FAM83F: variants seen among roughly 807,000 people sequenced by gnomAD.
FAM83F encodes the protein protein FAM83F.
A neutral mutation model predicts 42.9 loss-of-function variants in FAM83F; 45 were observed. The ratio of observed to expected loss-of-function variants is 1.05; its 90% confidence interval spans 0.83 to 1.35. FAM83F has a LOEUF of 1.35. Ranked by LOEUF, FAM83F falls within the 40% of genes most tolerant of loss-of-function variation. FAM83F has a pLI of 0.00. For missense variants in FAM83F, 617 were observed against 695.9 expected (o/e 0.89, Z 1.28); for synonymous variants, 306 against 298.3 (o/e 1.03, Z -0.27).
At chr22:39,998,425 C>T (rs527912778) in intron 1 of FAM83F, among the ~76,000 whole-genome samples, 10 of 152,002 alleles carry the variant, frequency 6.6e-5, no homozygotes, top group East Asian at 5.8e-4. Flanking sequence ...CCGTGGCTGC[C>T]GTGCCTACAG....
rs2067579128 is a variant in FAM83F, at chr22:40,030,333, G to T, written c.*768G>T. On this transcript the variant is annotated 3_prime_UTR_variant, in exon 5 of 5. Coordinates refer to ENST00000333407, the MANE Select transcript of FAM83F (RefSeq NM_138435.4). ...CTGCCTGCTGCGGGCCTATGTGGGG[G>T]TCCTTACAGGGCCTTTACCTGGGAC... 6.6e-6 allele frequency: 1 copy of T among 152,490 alleles called. No individual in the cohort carries two copies. Among genetic ancestry groups the T allele is most frequent in the African/African-American group, 2.4e-5 (1 of 41,554 alleles). The allele number at this position is 152,490 out of a possible 1,614,324, so 9.4% of individuals were successfully genotyped here.
intron 4 of FAM83F, among the ~76,000 whole-genome samples, chr22:40,028,532 C>T (rs969748257): frequency 1.3e-5 from 2 of 152,138 alleles, no homozygotes; most frequent in African/African-American, 2.4e-5. Context: ...CCCGCTCCAG[C>T]GCCTGACACC....
intron 4 of FAM83F, 130 bp from the exon 5 acceptor site, chr22:40,029,386 G>C (rs2067574148): frequency 3.1e-6 from 4 of 1,305,906 alleles, no homozygotes; most frequent in Non-Finnish European, 4.2e-6. Context: ...CAGATCAGCA[G>C]CTTGGGAGGG....
At chr22:40,026,131 G>A (rs907342745) in intron 4 of FAM83F, among the ~76,000 whole-genome samples, 1 of 152,212 alleles carries the variant, frequency 6.6e-6, no homozygotes, top group Non-Finnish European at 1.5e-5. Flanking sequence ...GCTGCCCAGG[G>A]AGAAAGGGCA....
In FAM83F at chr22:40,021,509, C is replaced by T; in HGVS notation, c.999C>T (p.Cys333=). ...INPKYALVSG[C]RHPPGEMMRW... is the part of the protein sequence containing the mutation. ...CCAAGTACGCCTTGGTGTCAGGCTG[C>T]CGCCACCCGCCTGGGGAGATGATGC... Residue 333 remains cysteine (C), a synonymous_variant, in exon 4 of 5, where the codon TGC becomes TGT. Coordinates refer to ENST00000333407, the MANE Select transcript of FAM83F (RefSeq NM_138435.4). This position sits in a 1 kb window ranked among gnomAD's most constrained non-coding sequence, Gnocchi z 8.7. The T allele has an allele frequency of 6.3e-7, 1 of 1,577,764 alleles. No individual in the cohort carries two copies. The highest frequency in any genetic ancestry group is 1.7e-5 in the Admixed American group (1 of 57,694).
chr22:40,020,324 G>A (rs184707492), intron 3 of FAM83F, among the ~76,000 whole-genome samples: 3 of 152,014 alleles, frequency 2.0e-5, no homozygotes, highest in Admixed American at 2.0e-4. Flanking sequence ...GGAAAGAAAC[G>A]GGAAGGTGTG....
intron 1 of FAM83F, among the ~76,000 whole-genome samples, chr22:40,014,044 T>A (rs2067481150): frequency 6.6e-6 from 1 of 151,924 alleles, no homozygotes; most frequent in Non-Finnish European, 1.5e-5. Flanking sequence ...TGCTTTTTTC[T>A]TTATTCTACT....
intron 4 of FAM83F, among the ~76,000 whole-genome samples, 186 bp downstream of exon 4, chr22:40,022,149 C>G (rs1004062719): frequency 1.3e-5 from 2 of 152,194 alleles, no homozygotes; most frequent in Non-Finnish European, 2.9e-5. Flanking sequence ...CATTAGCTGC[C>G]TGGAGGCCTT....
At position 40,021,715 on chromosome 22, in the gene FAM83F, G is replaced by A. The variant is rs531231988; in HGVS notation, c.1205G>A (p.Arg402Lys). Residue 402 changes from arginine to lysine, a missense_variant, in exon 4 of 5, where the codon AGG (arginine) becomes AAG (lysine). Physicochemically the swap from Arg to Lys is conservative, Grantham distance 26. Transcript: ENST00000333407. The surrounding 1 kb of genome is among the most constrained non-coding windows in gnomAD (Gnocchi z 8.7). ...PLGELSQKDG[R>K]MVSHMHRDLK... ...GGAGAGCTGAGCCAGAAGGATGGCAGGATGGTCTCTCACATGCACAGAGAC... is the reference window on the plus strand; with the variant it reads ...GGAGAGCTGAGCCAGAAGGATGGCAAGATGGTCTCTCACATGCACAGAGAC... 8 of 1,613,124 alleles carry A rather than the reference G, an allele frequency of 5.0e-6. No homozygotes were observed. In the Admixed American group the frequency reaches 8.3e-5, roughly 17 times the overall value.
chr22:40,029,906 A>C lies in FAM83F; in HGVS notation c.*341A>C. 1 of 218,958 alleles carries C rather than the reference A, an allele frequency of 4.6e-6. No individual in the cohort carries two copies. Among genetic ancestry groups the C allele is most frequent in the East Asian group, 1.1e-4 (1 of 8,780 alleles). 13.6% of individuals were successfully genotyped at this position (218,958 alleles called of 1,614,324 possible). ...GTGAGGGCCCATTCTTTAAACCTTTATGGGGTGGGGTGTCTGGGGCAGCTG... is the reference window on the plus strand; with the variant it reads ...GTGAGGGCCCATTCTTTAAACCTTTCTGGGGTGGGGTGTCTGGGGCAGCTG... On this transcript the variant is annotated 3_prime_UTR_variant, in exon 5 of 5. Transcript: ENST00000333407.
intron 4 of FAM83F, among the ~76,000 whole-genome samples, 191 bp from the exon 5 acceptor site, chr22:40,029,325 C>T (rs2067573704): frequency 6.6e-6 from 1 of 152,140 alleles, no homozygotes; most frequent in Non-Finnish European, 1.5e-5. Flanking sequence ...GCTGCTGAGA[C>T]AGGCAGAATC....
chr22:40,002,520 C>T (rs959740076), intron 1 of FAM83F, among the ~76,000 whole-genome samples: 1 of 152,252 alleles, frequency 6.6e-6, no homozygotes, highest in Admixed American at 6.5e-5. Context: ...GTAGCAAAGC[C>T]AGTTCTGTTG....
At chr22:40,020,159 C>T in intron 3 of FAM83F, 151 bp downstream of exon 3, 2 of 1,127,984 alleles carry the variant, frequency 1.8e-6, no homozygotes, top group Non-Finnish European at 2.4e-6. Flanking sequence ...CCAGTCCCTT[C>T]CCTCAAACTT....
intron 3 of FAM83F, 111 bp downstream of exon 3, chr22:40,020,119 C>T: frequency 7.0e-7 from 1 of 1,429,946 alleles, no homozygotes; most frequent in African/African-American, 1.5e-5. Flanking sequence ...CAGGGATCAT[C>T]TGACGCAATA....
intron 1 of FAM83F, among the ~76,000 whole-genome samples, chr22:40,016,733 G>A (rs1280796417): frequency 6.6e-6 from 1 of 151,808 alleles, no homozygotes; most frequent in Non-Finnish European, 1.5e-5. Flanking sequence ...GCACAATCTT[G>A]GCTCACTGCA....
intron 1 of FAM83F, among the ~76,000 whole-genome samples, chr22:40,015,262 A>T (rs2067487302): frequency 6.6e-6 from 1 of 152,230 alleles, no homozygotes; most frequent in Non-Finnish European, 1.5e-5. Context: ...CTTCCTGCCC[A>T]GGGCAAGTCA....
In FAM83F at chr22:40,029,427, T is replaced by C. The variant is rs956863125; in HGVS notation, c.1454-89T>C. 4 of 1,503,242 alleles carry C rather than the reference T, an allele frequency of 2.7e-6. No individual in the cohort carries two copies. The African/African-American group carries it at 4.2e-5, about 16-fold the overall frequency. The allele number at this position is 1,503,242 out of a possible 1,614,324, so 93.1% of individuals were successfully genotyped here. ...GTGACCCCAGCCCCTCAACTGGAGATGTGGACAGCACACAGGGTAGGAACT... is the reference window on the plus strand; with the variant it reads ...GTGACCCCAGCCCCTCAACTGGAGACGTGGACAGCACACAGGGTAGGAACT... On this transcript the variant is annotated intron_variant, in intron 4 of 4. Coordinates refer to ENST00000333407, the MANE Select transcript of FAM83F (RefSeq NM_138435.4).
At chr22:40,014,517 AGTTCACTTTTTTAAGTGAACTCTCAT>A (rs2067484079) in intron 1 of FAM83F, among the ~76,000 whole-genome samples, 1 of 152,186 alleles carries the variant, frequency 6.6e-6, no homozygotes, top group Non-Finnish European at 1.5e-5. Flanking sequence ...GTATATTTTG[AGTTCACTTTTTTAAGTGAACTCTCAT>A]GTCATGTGCA....
rs2067578045 is a variant in FAM83F, at chr22:40,030,104, G to A, written c.*539G>A. On this transcript the variant is annotated 3_prime_UTR_variant, in exon 5 of 5. Transcript: ENST00000333407. ...GATGTAAGGTGCAGCTGGAACTGCA[G>A]GGGCACTGGCTGCAGTGGCCTTCCT... 6.4e-6 allele frequency: 1 copy of A among 155,306 alleles called. No homozygotes were observed. The highest frequency in any genetic ancestry group is 2.4e-5 in the African/African-American group (1 of 41,456). The allele number at this position is 155,306 out of a possible 1,614,324, so 9.6% of individuals were successfully genotyped here.
Sources: gnomAD v4.1 joint callset for allele counts (sites outside exome capture counted in the v4.1 genomes callset) on GRCh38, gnomAD v4.1.1 for gene constraint, Gnocchi (gnomAD v3.1) non-coding constraint, MANE v1.5 for transcripts, NCBI Gene and HGNC (gene_info 2026-07-23, HGNC 2026-07-21) for gene names.